STK38: variants seen among roughly 807,000 people sequenced by gnomAD.
STK38 encodes serine/threonine kinase 38, also known as serine/threonine-protein kinase 38.
Under a neutral mutation model 59.0 loss-of-function variants are expected in STK38, and 26 were observed. The observed-to-expected ratio is 0.44, with a 90% confidence interval of 0.32 to 0.61. The LOEUF is 0.61. Ranked by LOEUF, STK38 falls within the 20% of genes least tolerant of loss-of-function variation. The pLI, the probability that STK38 is intolerant of heterozygous loss-of-function variation, is 0.04. For synonymous variants in STK38, 175 were observed against 176.6 expected, an observed-to-expected ratio of 0.99 and a Z score of 0.07; for missense variants, 433 against 566.0, an observed-to-expected ratio of 0.76 and a Z score of 2.38.
chr6:36,533,212 A>G (rs1777710162), intron 2 of STK38, among the ~76,000 whole-genome samples: 1 of 152,152 alleles, frequency 6.6e-6, no homozygotes, highest in Non-Finnish European at 1.5e-5. Context: ...CAGTGGCACA[A>G]TCATAGCTCA....
intron 5 of STK38, 72 bp from the exon 6 acceptor site, chr6:36,517,912 T>C: frequency 6.5e-7 from 1 of 1,539,420 alleles, no homozygotes; most frequent in Non-Finnish European, 8.8e-7. Flanking sequence ...GCTTAAACAA[T>C]TTAAATACTG....
intron 2 of STK38, among the ~76,000 whole-genome samples, chr6:36,537,585 T>C (rs1009118374): frequency 2.0e-5 from 3 of 152,236 alleles, no homozygotes; most frequent in African/African-American, 4.8e-5. Flanking sequence ...TTGATGCATA[T>C]AGCAACACAG....
chr6:36,499,661 A>G (rs926060494), intron 10 of STK38, among the ~76,000 whole-genome samples: 2 of 152,250 alleles, frequency 1.3e-5, no homozygotes, highest in African/African-American at 2.4e-5. Context: ...AACATAAAAA[A>G]TGATCAGCAA....
intron 2 of STK38, among the ~76,000 whole-genome samples, chr6:36,532,307 CATAAAAAAAAA>C (rs1777684281): frequency 9.7e-6 from 1 of 103,558 alleles, no homozygotes; most frequent in African/African-American, 3.7e-5. Context: ...ACCTTGTCTG[CATAAAAAAAAA>C]AAAAAAAAAA....
intron 2 of STK38, among the ~76,000 whole-genome samples, chr6:36,528,799 T>C (rs191350389): frequency 1.3e-5 from 2 of 152,362 alleles, no homozygotes; most frequent in East Asian, 1.9e-4. Context: ...CTACACGTTT[T>C]TGAATGACTA....
intron 1 of STK38, among the ~76,000 whole-genome samples, chr6:36,545,050 G>A (rs1778026147): frequency 6.6e-6 from 1 of 152,100 alleles, no homozygotes; most frequent in African/African-American, 2.4e-5. Flanking sequence ...AGAACTTTGG[G>A]AGGCTGAGGC....
In STK38 at chr6:36,524,363, A is replaced by C; in HGVS notation, c.284T>G (p.Ile95Arg). The C allele has an allele frequency of 6.2e-7, 1 of 1,612,042 alleles. No homozygotes were observed. Among genetic ancestry groups the C allele is most frequent in the Non-Finnish European group, 8.5e-7 (1 of 1,179,502 alleles). The change falls in exon 4 of 14, where the codon ATA (isoleucine) becomes AGA (arginine). Residue 95 changes from isoleucine (I) to arginine (R), a missense_variant. Ile to Arg is a moderately conservative substitution (Grantham distance 97). Transcript: ENST00000229812. ...GLEDFESLKV[I>R]GRGAFGEVRL... is the part of the protein sequence containing the mutation. ...TACCTCACCAAATGCTCCTCTGCCT[A>C]TTACTTTTAAGGACTCAAAATCTTC...
intron 2 of STK38, 138 bp downstream of exon 2, chr6:36,539,934 C>A: frequency 7.2e-7 from 1 of 1,394,698 alleles, no homozygotes; most frequent in South Asian, 1.4e-5. Flanking sequence ...TTGAAAAGCC[C>A]TTTCACTGTC....
intron 9 of STK38, among the ~76,000 whole-genome samples, chr6:36,506,039 T>C (rs924084748): frequency 2.0e-5 from 3 of 152,210 alleles, no homozygotes; most frequent in African/African-American, 7.2e-5. Flanking sequence ...CATAATTTTA[T>C]ATAGGCACAA....
intron 11 of STK38, 63 bp from the exon 12 acceptor site, chr6:36,497,938 CTTTTTTTT>C: frequency 1.1e-5 from 7 of 655,850 alleles, no homozygotes; most frequent in East Asian, 1.0e-4. Flanking sequence ...GAAAAACTTT[CTTTTTTTT>C]TTTTTTTTTT....
intron 3 of STK38, 106 bp downstream of exon 3, chr6:36,525,485 T>C: frequency 1.0e-6 from 1 of 993,846 alleles, no homozygotes; most frequent in Non-Finnish European, 1.5e-6. Flanking sequence ...AGTTCCTCTG[T>C]TATTGAGCCA....
chr6:36,513,083 G>A (rs997524705), intron 7 of STK38, among the ~76,000 whole-genome samples: 4 of 151,884 alleles, frequency 2.6e-5, no homozygotes, highest in Non-Finnish European at 5.9e-5. Flanking sequence ...GCAGTGGTAC[G>A]ATCTCAGCTC....
intron 7 of STK38, among the ~76,000 whole-genome samples, chr6:36,511,884 C>A (rs897143696): frequency 6.6e-6 from 1 of 151,642 alleles, no homozygotes; most frequent in Non-Finnish European, 1.5e-5. Context: ...CAGGGTGAAA[C>A]CCCATCTCTA....
At position 36,539,353 on chromosome 6, in the gene STK38, T is replaced by C. The variant is rs1168726283; in HGVS notation, c.131+719A>G. ...GTGAGCTGAGATCATGCCATTGCAC[T>C]CCAGCCTGGGCAACAGAGTGAGATT... On this transcript the variant is annotated intron_variant, in intron 2 of 13. Coordinates refer to ENST00000229812, the MANE Select transcript of STK38 (RefSeq NM_007271.4). Among the ~76,000 whole-genome samples the C allele has an allele frequency of 2.7e-5, 4 of 148,330 alleles. No individual in the cohort carries two copies. The East Asian group carries it at 7.9e-4, about 29-fold the overall frequency.
chr6:36,504,933 A>G (rs1034758350), intron 9 of STK38, among the ~76,000 whole-genome samples: 14 of 150,992 alleles, frequency 9.3e-5, no homozygotes, highest in Non-Finnish European at 1.6e-4. Context: ...GAAAGAAAGA[A>G]AAGAAAGGAA....
chr6:36,537,529 A>G (rs1215105088), intron 2 of STK38, among the ~76,000 whole-genome samples: 1 of 152,208 alleles, frequency 6.6e-6, no homozygotes, highest in East Asian at 1.9e-4. Flanking sequence ...AAACAAAGAT[A>G]TAGTCAGAAG....
At chr6:36,514,860 A>AG (rs1432084727) in intron 7 of STK38, among the ~76,000 whole-genome samples, 426 of 151,144 alleles carry the variant, frequency 2.8e-3, no homozygotes, top group African/African-American at 6.0e-3. Flanking sequence ...AAAAAAAAAA[A>AG]AAAAAAAAGA....
chr6:36,510,148 T>C (rs1561977760), intron 7 of STK38, among the ~76,000 whole-genome samples: 1 of 152,186 alleles, frequency 6.6e-6, no homozygotes, highest in Non-Finnish European at 1.5e-5. Flanking sequence ...CTGCCTCTTA[T>C]AGCCATCAAT....
intron 2 of STK38, among the ~76,000 whole-genome samples, chr6:36,528,681 G>A (rs1777596012): frequency 6.6e-6 from 1 of 152,198 alleles, no homozygotes; most frequent in African/African-American, 2.4e-5. Context: ...TTGAAGCAGA[G>A]AAGAACAAGA....
Sources: allele counts gnomAD v4.1 joint callset (sites outside exome capture counted in the v4.1 genomes callset), GRCh38; gene constraint gnomAD v4.1.1; transcripts MANE v1.5; gene names NCBI Gene and HGNC (gene_info 2026-07-23, HGNC 2026-07-21).